AGAP1: variants seen among roughly 807,000 people sequenced by gnomAD.
AGAP1 encodes the protein arf-GAP with GTPase, ANK repeat and PH domain-containing protein 1.
AGAP1 carries 29 observed loss-of-function variants against 105.3 expected under a neutral mutation model. The ratio of observed to expected loss-of-function variants is 0.28; its 90% CI spans 0.21 to 0.38. The LOEUF is 0.38. AGAP1 is among the 10% of genes least tolerant of loss of function. The pLI is 1.00. For missense variants in AGAP1, 998 were observed against 1,165.1 expected (o/e 0.86, Z 2.09); for synonymous variants, 509 against 485.9 (o/e 1.05, Z -0.63).
chr2:235,864,874 T>C lies in AGAP1; in HGVS notation c.1051-18471T>C, dbSNP rs2049085210. On this transcript the variant is annotated intron_variant, in intron 9 of 17. Coordinates refer to ENST00000304032, the MANE Select transcript of AGAP1 (RefSeq NM_001037131.3). This position sits in a 1 kb window ranked among gnomAD's most constrained non-coding sequence, Gnocchi z 5.0. ...TGCCCATATTCAAAATTCCTTTGAT[T>C]AGCATTTGGTTCTGGTTGGGACTTA... Among the ~76,000 whole-genome samples, 2 of 152,348 alleles carry C rather than the reference T, an allele frequency of 1.3e-5. No individual in the cohort carries two copies. The highest frequency in any genetic ancestry group is 2.9e-5 in the Non-Finnish European group (2 of 68,038).
In AGAP1 at chr2:236,012,269, C is replaced by G. The variant is rs2056539853; in HGVS notation, c.1646-24292C>G. On this transcript the variant is annotated intron_variant, in intron 13 of 17. Transcript: ENST00000304032. The surrounding 1 kb of genome is among the most constrained non-coding windows in gnomAD (Gnocchi z 4.9). ...CGGGCGAGGAAAGAGGCTTTCTGCACTCGGGCACCCCTCCCCTCCCGAGGG... is the reference window on the plus strand; with the variant it reads ...CGGGCGAGGAAAGAGGCTTTCTGCAGTCGGGCACCCCTCCCCTCCCGAGGG... Among the ~76,000 whole-genome samples, 1 of 152,026 alleles carries G rather than the reference C, an allele frequency of 6.6e-6. No individual in the cohort carries two copies. The highest frequency in any genetic ancestry group is 2.1e-4 in the South Asian group (1 of 4,812).
chr2:235,817,548 TAAGTA>T (rs1426746841), intron 9 of AGAP1, among the ~76,000 whole-genome samples: 1 of 152,170 alleles, frequency 6.6e-6, no homozygotes, highest in African/African-American at 2.4e-5. Context: ...CTGACAGCTA[TAAGTA>T]AATATATAGG....
intron 13 of AGAP1, among the ~76,000 whole-genome samples, chr2:236,028,798 GTA>G: frequency 6.6e-6 from 1 of 152,156 alleles, no homozygotes; most frequent in African/African-American, 2.4e-5. Flanking sequence ...GTGTTCAAAG[GTA>G]TGTTTCTGAC....
chr2:236,047,310 G>A (rs1265203672), intron 15 of AGAP1, among the ~76,000 whole-genome samples: 3 of 152,024 alleles, frequency 2.0e-5, no homozygotes, highest in Non-Finnish European at 4.4e-5. Context: ...GGGAGCCAGT[G>A]GGGAGGTGGG....
intron 1 of AGAP1, among the ~76,000 whole-genome samples, chr2:235,587,891 G>A (rs1161038729): frequency 6.6e-6 from 1 of 152,204 alleles, no homozygotes; most frequent in East Asian, 1.9e-4. Context: ...CCCGGTCCCT[G>A]CAGCTTCCCA....
In AGAP1 at chr2:236,062,557, C is replaced by T. The variant is rs1576205416; in HGVS notation, c.2114+13276C>T. 6.6e-6 allele frequency among the ~76,000 whole-genome samples: 1 copy of T among 152,160 alleles called. No homozygotes were observed. The highest frequency in any genetic ancestry group is 2.4e-5 in the African/African-American group (1 of 41,426). On this transcript the variant is annotated intron_variant, in intron 16 of 17. Transcript: ENST00000304032. The surrounding 1 kb of genome is among the most constrained non-coding windows in gnomAD (Gnocchi z 4.2). ...GTGGCATGATCATAGCTTACTGCAA[C>T]CCCAGACTCCCAGGCTCAAGCAATC...
intron 16 of AGAP1, among the ~76,000 whole-genome samples, chr2:236,085,299 G>A (rs2058899460): frequency 6.6e-6 from 1 of 152,122 alleles, no homozygotes; most frequent in Admixed American, 6.6e-5. Context: ...GAGAAGGGGT[G>A]GTAGGGGGGC....
At chr2:236,091,698 G>A (rs1182594503) in intron 16 of AGAP1, among the ~76,000 whole-genome samples, 2 of 152,206 alleles carry the variant, frequency 1.3e-5, no homozygotes, top group Non-Finnish European at 2.9e-5. Flanking sequence ...CTTGAGCCTG[G>A]GAGGCAGAGG....
chr2:235,606,137 T>C lies in AGAP1; in HGVS notation c.164-103042T>C, dbSNP rs371239929. On this transcript the variant is annotated intron_variant, in intron 1 of 17. Coordinates refer to ENST00000304032, the MANE Select transcript of AGAP1 (RefSeq NM_001037131.3). Reference sequence around the variant, plus strand: ...CCCAAGATCGGCCATTTCCCCGGCCTTTCACCGGTGAGAAGTAAGGCATCT... The same window carrying C: ...CCCAAGATCGGCCATTTCCCCGGCCCTTCACCGGTGAGAAGTAAGGCATCT... Among the ~76,000 whole-genome samples the C allele has an allele frequency of 3.3e-5, 5 of 152,212 alleles. No homozygotes were observed. In the East Asian group the frequency reaches 5.8e-4, roughly 18 times the overall value.
At chr2:235,693,638 G>A (rs546263206) in intron 1 of AGAP1, among the ~76,000 whole-genome samples, 3 of 152,258 alleles carry the variant, frequency 2.0e-5, no homozygotes, top group Admixed American at 6.5e-5. Context: ...GGAGGATCAC[G>A]AGCTCAGGAG....
chr2:235,511,942 GTGGGTGTGAATGTGTGTGTAAAGGT>G, intron 1 of AGAP1, among the ~76,000 whole-genome samples: 1 of 151,674 alleles, frequency 6.6e-6, no homozygotes, highest in South Asian at 2.1e-4. Flanking sequence ...ATGTGTATGT[GTGGGTGTGAATGTGTGTGTAAAGGT>G]GATTGTGAGT....
chr2:235,831,210 C>T (rs954657793), intron 9 of AGAP1, among the ~76,000 whole-genome samples: 4 of 148,678 alleles, frequency 2.7e-5, no homozygotes, highest in South Asian at 2.1e-4. Flanking sequence ...AAACAGTAAA[C>T]GTTCTTTTTT....
chr2:235,776,780 A>T (rs1193850208), intron 6 of AGAP1, among the ~76,000 whole-genome samples: 1 of 152,138 alleles, frequency 6.6e-6, no homozygotes, highest in African/African-American at 2.4e-5. Context: ...CCCTTTCCTT[A>T]GCCTCAAAGC....
rs1389048978 is a variant in AGAP1, at chr2:235,509,309, C to T, written c.163+14460C>T. 2.0e-5 allele frequency among the ~76,000 whole-genome samples: 3 copies of T among 152,122 alleles called. No homozygotes were observed. The East Asian group carries it at 5.8e-4, about 29-fold the overall frequency. On this transcript the variant is annotated intron_variant, in intron 1 of 17. Coordinates refer to ENST00000304032, the MANE Select transcript of AGAP1 (RefSeq NM_001037131.3). ...TGGTGCGATCTCTGCTCACTGTAAC[C>T]TCTGCCTCCCAGGTTCCTGGGTTCA...
At chr2:235,786,022 A>G (rs12469834) in intron 6 of AGAP1, among the ~76,000 whole-genome samples, 40,014 of 152,114 alleles carry the variant, frequency 0.26, 5,626 homozygotes, top group Admixed American at 0.4. Context: ...CCTTCAGGGG[A>G]TGGCAGAAAC....
chr2:235,683,184 G>A (rs914446755), intron 1 of AGAP1, among the ~76,000 whole-genome samples: 1 of 151,290 alleles, frequency 6.6e-6, no homozygotes, highest in African/African-American at 2.5e-5. Flanking sequence ...GCACACACTT[G>A]TAATCCCAGC....
chr2:235,908,870 A>C lies in AGAP1; in HGVS notation c.1288A>C (p.Lys430Gln), dbSNP rs146040215. The change falls in exon 11 of 18, where the codon AAG becomes CAG. Residue 430 changes from lysine to glutamine, a missense_variant. By Grantham distance (53) the Lys-to-Gln change is moderately conservative. Around this residue, in one of 3 missense-constraint regions of AGAP1, gnomAD observed 735 missense variants for 833.4 expected, o/e 0.88. Transcript: ENST00000304032. This position sits in a 1 kb window ranked among gnomAD's most constrained non-coding sequence, Gnocchi z 4.4. Reference sequence around the variant, plus strand: ...CAGCCCTAAAACCAATGGCCTATCCAAGGACATGAGCAGTTTACACATCTC... The same window carrying C: ...CAGCCCTAAAACCAATGGCCTATCCCAGGACATGAGCAGTTTACACATCTC... ...ISSPKTNGLS[K>Q]DMSSLHISPN... is the part of the protein sequence containing the mutation. The C allele has an allele frequency of 4.3e-6, 7 of 1,613,996 alleles. No individual in the cohort carries two copies. Among genetic ancestry groups the C allele is most frequent in the Non-Finnish European group, 5.9e-6 (7 of 1,180,022 alleles).
At chr2:235,685,240 C>CAGCTGCCTGTGTGCCCTGGT (rs1949318206) in intron 1 of AGAP1, among the ~76,000 whole-genome samples, 1 of 152,024 alleles carries the variant, frequency 6.6e-6, no homozygotes. Context: ...CCTGACCTGG[C>CAGCTGCCTGTGTGCCCTGGT]AGCTGCCTGT....
chr2:235,741,186 A>T lies in AGAP1; in HGVS notation c.396+138A>T. 3.3e-6 allele frequency: 2 copies of T among 615,080 alleles called. No individual in the cohort carries two copies. The highest frequency in any genetic ancestry group is 7.8e-5 in the South Asian group (2 of 25,678). The allele number at this position is 615,080 out of a possible 1,614,324, so 38.1% of individuals were successfully genotyped here. ...CATAAAAAATGTTTCCTCTCACTGCATTTTTTTCTCATCTCTAAGAAGCTA... is the reference window on the plus strand; with the variant it reads ...CATAAAAAATGTTTCCTCTCACTGCTTTTTTTTCTCATCTCTAAGAAGCTA... On this transcript the variant is annotated intron_variant, in intron 4 of 17. Coordinates refer to ENST00000304032, the MANE Select transcript of AGAP1 (RefSeq NM_001037131.3). This position sits in a 1 kb window ranked among gnomAD's most constrained non-coding sequence, Gnocchi z 4.9.
Sources: allele counts gnomAD v4.1 joint callset (sites outside exome capture counted in the v4.1 genomes callset), GRCh38; gene constraint gnomAD v4.1.1; regional missense constraint gnomAD v4.1.1; non-coding constraint Gnocchi (gnomAD v3.1); transcripts MANE v1.5; gene names NCBI Gene and HGNC (gene_info 2026-07-23, HGNC 2026-07-21).